The following GUCY1A2 variants were observed in gnomAD, a reference collection of about 807,000 sequenced individuals.
GUCY1A2 encodes the protein guanylate cyclase soluble subunit alpha-2.
Under a neutral mutation model 63.5 loss-of-function variants are expected in GUCY1A2, and 27 were observed. The observed-to-expected ratio is 0.43, with a 90% CI of 0.31 to 0.59. The LOEUF is 0.59. GUCY1A2 is among the 20% of genes least tolerant of loss of function. The pLI, the probability that GUCY1A2 is intolerant of heterozygous loss-of-function variation, is 0.11. For missense variants in GUCY1A2, 768 were observed against 913.3 expected, an observed-to-expected ratio of 0.84 and a Z score of 2.05; for synonymous variants, 364 against 343.5, an observed-to-expected ratio of 1.06 and a Z score of -0.66.
intron 6 of GUCY1A2, among the ~76,000 whole-genome samples, chr11:106,727,481 A>T (rs1863426754): frequency 6.6e-6 from 1 of 152,132 alleles, no homozygotes; most frequent in Non-Finnish European, 1.5e-5. Context: ...CCATTAGATG[A>T]CCTTAGCTTC....
At chr11:106,969,655 T>C (rs772264696) in intron 3 of GUCY1A2, among the ~76,000 whole-genome samples, 1 of 152,122 alleles carries the variant, frequency 6.6e-6, no homozygotes, top group Non-Finnish European at 1.5e-5. Context: ...AGCTATGAGT[T>C]TGACATATGA....
intron 6 of GUCY1A2, among the ~76,000 whole-genome samples, chr11:106,736,413 G>A (rs1863590217): frequency 6.6e-6 from 1 of 151,992 alleles, no homozygotes; most frequent in African/African-American, 2.4e-5. Context: ...CATGTTCTTG[G>A]CACCCTTGGC....
chr11:106,856,233 T>G (rs1041617086), intron 4 of GUCY1A2, among the ~76,000 whole-genome samples: 2 of 152,016 alleles, frequency 1.3e-5, no homozygotes, highest in South Asian at 2.1e-4. Flanking sequence ...GAGGTTGCAG[T>G]GAGCTGAGAT....
At chr11:106,897,546 A>AAT (rs1330666528) in intron 4 of GUCY1A2, among the ~76,000 whole-genome samples, 12 of 151,716 alleles carry the variant, frequency 7.9e-5, no homozygotes, top group South Asian at 4.2e-4. Context: ...TAGAACTACA[A>AAT]ATATATATAT....
At chr11:106,710,709 C>G (rs1412175379) in intron 6 of GUCY1A2, among the ~76,000 whole-genome samples, 1 of 151,824 alleles carries the variant, frequency 6.6e-6, no homozygotes, top group African/African-American at 2.4e-5. Context: ...AACACGATAA[C>G]AGTAATGGGG....
chr11:106,986,605 T>C lies in GUCY1A2; in HGVS notation c.304-474A>G, dbSNP rs535271503. Among the ~76,000 whole-genome samples the C allele has an allele frequency of 4.6e-5, 7 of 152,336 alleles. No individual in the cohort carries two copies. The East Asian group carries it at 1.4e-3, about 29-fold the overall frequency. ...TCAAGGATGGTCTAGCAAGCAGTGA[T>C]AAATTGAGTTAAAAGAGTCAACTTT... On this transcript the variant is annotated intron_variant, in intron 1 of 7. Transcript: ENST00000526355.
chr11:106,986,275 C>T, intron 1 of GUCY1A2, 144 bp from the exon 2 acceptor site: 1 of 500,110 alleles, frequency 2.0e-6, no homozygotes, highest in Admixed American at 3.6e-5. Context: ...TTGCATCATG[C>T]CATGTATTTT....
chr11:106,915,231 T>A (rs911593806), intron 4 of GUCY1A2, among the ~76,000 whole-genome samples: 1 of 152,158 alleles, frequency 6.6e-6, no homozygotes, highest in South Asian at 2.1e-4. Flanking sequence ...ACTGACTTGA[T>A]AGACAACTTT....
At chr11:106,935,216 C>T (rs924542121) in intron 4 of GUCY1A2, among the ~76,000 whole-genome samples, 3 of 152,092 alleles carry the variant, frequency 2.0e-5, no homozygotes, top group Non-Finnish European at 4.4e-5. Context: ...CCTACTGATA[C>T]CTGGTGCTTT....
intron 6 of GUCY1A2, among the ~76,000 whole-genome samples, chr11:106,744,806 C>A (rs1317600260): frequency 1.3e-5 from 2 of 152,026 alleles, no homozygotes; most frequent in East Asian, 3.9e-4. Flanking sequence ...AATTGTGTAC[C>A]TCATTAAAAA....
At chr11:106,992,857 G>T (rs367645520) in intron 1 of GUCY1A2, among the ~76,000 whole-genome samples, 19 of 152,034 alleles carry the variant, frequency 1.2e-4, no homozygotes, top group African/African-American at 4.6e-4. Flanking sequence ...TCATCCTCTA[G>T]CTCACCTTTC....
At chr11:106,796,951 T>C (rs923937307) in intron 5 of GUCY1A2, among the ~76,000 whole-genome samples, 1 of 152,114 alleles carries the variant, frequency 6.6e-6, no homozygotes, top group Non-Finnish European at 1.5e-5. Flanking sequence ...TAGTCCCATA[T>C]TTCTTGGAGG....
chr11:106,804,370 A>G (rs1249469248), intron 5 of GUCY1A2, among the ~76,000 whole-genome samples: 1 of 152,194 alleles, frequency 6.6e-6, no homozygotes, highest in Non-Finnish European at 1.5e-5. Flanking sequence ...AATCTTGGGG[A>G]AAAATGAAGC....
intron 4 of GUCY1A2, among the ~76,000 whole-genome samples, chr11:106,923,377 G>A (rs972765377): frequency 6.6e-6 from 1 of 152,146 alleles, no homozygotes; most frequent in Non-Finnish European, 1.5e-5. Context: ...AAAGACAATG[G>A]CTAAATGTCA....
At chr11:106,974,125 A>G (rs1443904644) in intron 3 of GUCY1A2, among the ~76,000 whole-genome samples, 2 of 152,042 alleles carry the variant, frequency 1.3e-5, no homozygotes, top group African/African-American at 4.8e-5. Context: ...TTTCCCCTTC[A>G]ACCGCCTTAA....
At chr11:106,804,222 GCTTT>G (rs1591284292) in intron 5 of GUCY1A2, among the ~76,000 whole-genome samples, 1 of 152,126 alleles carries the variant, frequency 6.6e-6, no homozygotes, top group African/African-American at 2.4e-5. Context: ...AAACATTGTT[GCTTT>G]GTTTCCAACA....
At chr11:106,760,960 CTCAAGAGG>C (rs1209567243) in intron 6 of GUCY1A2, among the ~76,000 whole-genome samples, 1 of 152,146 alleles carries the variant, frequency 6.6e-6, no homozygotes, top group African/African-American at 2.4e-5. Flanking sequence ...AGAAATGACA[CTCAAGAGG>C]TCAAGATAAT....
chr11:106,710,546 G>C (rs1388957881), intron 6 of GUCY1A2, among the ~76,000 whole-genome samples: 1 of 150,344 alleles, frequency 6.7e-6, no homozygotes, highest in Non-Finnish European at 1.5e-5. Flanking sequence ...ATTTTAAAAT[G>C]GAGTTAAAAT....
chr11:106,941,154 C>A (rs1860747526), intron 3 of GUCY1A2, among the ~76,000 whole-genome samples: 1 of 152,120 alleles, frequency 6.6e-6, no homozygotes, highest in Non-Finnish European at 1.5e-5. Context: ...GTAAGGGCAG[C>A]CAAGCATGGA....
Sources: allele counts gnomAD v4.1 joint callset (sites outside exome capture counted in the v4.1 genomes callset), GRCh38; gene constraint gnomAD v4.1.1; transcripts MANE v1.5; gene names NCBI Gene and HGNC (gene_info 2026-07-23, HGNC 2026-07-21).